The following USP14 variants were observed in gnomAD, a reference collection of about 807,000 sequenced individuals.
The protein encoded by USP14 is ubiquitin carboxyl-terminal hydrolase 14.
In USP14, 38 loss-of-function variants were observed where a neutral mutation model predicts 76.5. That is an observed-to-expected ratio of 0.50 (90% CI 0.38 to 0.65). The LOEUF (loss-of-function observed/expected upper bound fraction) is 0.65. Ranked by LOEUF, USP14 falls within the 30% of genes least tolerant of loss-of-function variation. The pLI is 0.00. For missense variants in USP14, 467 were observed against 586.5 expected (o/e 0.80, Z 2.10); for synonymous variants, 192 against 191.7 (o/e 1.00, Z -0.01).
At chr18:198,451 G>A (rs1199230029) in intron 9 of USP14, among the ~76,000 whole-genome samples, 1 of 152,136 alleles carries the variant, frequency 6.6e-6, no homozygotes, top group Admixed American at 6.5e-5. Context: ...GGTCAGGCTG[G>A]TATTGAACTC....
At chr18:204,962 C>T (rs1910490257) in intron 13 of USP14, among the ~76,000 whole-genome samples, 1 of 151,576 alleles carries the variant, frequency 6.6e-6, no homozygotes, top group Admixed American at 6.6e-5. Context: ...GCAGTCTCAA[C>T]CTCCCAGGCG....
intron 5 of USP14, among the ~76,000 whole-genome samples, chr18:185,655 CT>C (rs1909908761): frequency 6.6e-6 from 1 of 151,784 alleles, no homozygotes; most frequent in Non-Finnish European, 1.5e-5. Context: ...TTTTTTTTAG[CT>C]TTTTGAGGGC....
chr18:212,400 T>A lies in USP14; in HGVS notation c.*1116T>A, dbSNP rs1910693176. On this transcript the variant is annotated 3_prime_UTR_variant, in exon 16 of 16. Coordinates refer to ENST00000261601, the MANE Select transcript of USP14 (RefSeq NM_005151.4). ...GGCAGGTGGTTCACTGGAGGTTGAGTTCGAGACCAGCCTGGCCACATGGTG... is the reference window on the plus strand; with the variant it reads ...GGCAGGTGGTTCACTGGAGGTTGAGATCGAGACCAGCCTGGCCACATGGTG... 1 of 152,170 alleles carries A rather than the reference T, an allele frequency of 6.6e-6. No homozygotes were observed. Among genetic ancestry groups the A allele is most frequent in the Admixed American group, 6.5e-5 (1 of 15,278 alleles). 9.4% of individuals were successfully genotyped at this position (152,170 alleles called of 1,614,324 possible). A position where few individuals can be genotyped will look rare whatever the true frequency, so the allele number is the denominator to read the frequency against.
chr18:212,190 CCTGT>C lies in USP14; in HGVS notation c.*907_*910del, dbSNP rs1421972566. On this transcript the variant is annotated 3_prime_UTR_variant, in exon 16 of 16. Coordinates refer to ENST00000261601, the MANE Select transcript of USP14 (RefSeq NM_005151.4). Reference sequence around the variant, plus strand: ...AAATATTTGTTATCTTCTTTGCCTGCCTGTATTTTAAAAAGAAATACAAAGTTGT... The same window carrying C: ...AAATATTTGTTATCTTCTTTGCCTGCATTTTAAAAAGAAATACAAAGTTGT... 2.0e-5 allele frequency: 3 copies of C among 152,302 alleles called. No homozygotes were observed. Among genetic ancestry groups the C allele is most frequent in the Non-Finnish European group, 2.9e-5 (2 of 68,020 alleles). The allele number at this position is 152,302 out of a possible 1,614,324, so 9.4% of individuals were successfully genotyped here. A position where few individuals can be genotyped will look rare whatever the true frequency, so the allele number is the denominator to read the frequency against.
chr18:193,075 CAAT>C (rs1567833045), intron 6 of USP14, among the ~76,000 whole-genome samples, 175 bp downstream of exon 6: 2 of 152,100 alleles, frequency 1.3e-5, no homozygotes, highest in African/African-American at 4.8e-5. Context: ...GATTATAAAT[CAAT>C]GATGTCTGTC....
At chr18:204,416 G>C (rs1910469543) in intron 12 of USP14, 148 bp from the exon 13 acceptor site, 3 of 677,598 alleles carry the variant, frequency 4.4e-6, no homozygotes, top group South Asian at 2.7e-5. Flanking sequence ...ACTCTTAAGA[G>C]GTTTCAACTG....
intron 3 of USP14, among the ~76,000 whole-genome samples, chr18:175,546 A>G (rs1388384070): frequency 7.2e-5 from 11 of 152,210 alleles, no homozygotes; most frequent in Admixed American, 7.2e-4. Context: ...TGAGTATTAA[A>G]CAGAACTTAT....
At chr18:196,872 C>G (rs1910251769) in intron 7 of USP14, 105 bp downstream of exon 7, 1 of 1,392,900 alleles carries the variant, frequency 7.2e-7, no homozygotes, top group African/African-American at 1.4e-5. Flanking sequence ...TCAGTCTTCT[C>G]TAGTTCATGC....
In USP14 at chr18:213,620, C is replaced by T. The variant is rs1910741969; in HGVS notation, c.*2336C>T. 6.6e-6 allele frequency: 1 copy of T among 152,544 alleles called. No individual in the cohort carries two copies. The highest frequency in any genetic ancestry group is 1.5e-5 in the Non-Finnish European group (1 of 68,046). 9.4% of individuals were successfully genotyped at this position (152,544 alleles called of 1,614,324 possible). ...AGAGTTGTGCTAGATTACTGCTTGA[C>T]TGACTAGCTAGGTTAGGCCTAAGAG... On this transcript the variant is annotated 3_prime_UTR_variant, in exon 16 of 16. Transcript: ENST00000261601.
At chr18:168,938 A>G (rs962680435) in intron 3 of USP14, among the ~76,000 whole-genome samples, 2 of 151,454 alleles carry the variant, frequency 1.3e-5, no homozygotes, top group Non-Finnish European at 1.5e-5. Context: ...TTAGCCGTGC[A>G]TGGTGGCAGG....
At chr18:181,084 AT>A (rs1374409657) in intron 5 of USP14, among the ~76,000 whole-genome samples, 9 of 151,654 alleles carry the variant, frequency 5.9e-5, no homozygotes, top group African/African-American at 1.9e-4. Flanking sequence ...CCTCATTCCT[AT>A]TTTATGGCTG....
At chr18:174,022 C>G (rs191562275) in intron 3 of USP14, among the ~76,000 whole-genome samples, 4 of 151,948 alleles carry the variant, frequency 2.6e-5, no homozygotes, top group African/African-American at 9.7e-5. Flanking sequence ...TTTAAAGTTG[C>G]GTTGGCTATT....
intron 6 of USP14, among the ~76,000 whole-genome samples, chr18:195,424 T>C (rs750662148): frequency 3.7e-4 from 57 of 152,252 alleles, no homozygotes; most frequent in Non-Finnish European, 7.8e-4. Flanking sequence ...TAGGTGACAT[T>C]TCACATCTTG....
rs976511160 is a variant in USP14, at chr18:196,354, T to TA, written c.464-272dup. On this transcript the variant is annotated intron_variant, in intron 6 of 15. Coordinates refer to ENST00000261601, the MANE Select transcript of USP14 (RefSeq NM_005151.4). ...CAGCATGGTGAAACCCCATCTCTACTAAAAAAAAAAATACAAAAAATTAGC... is the reference window on the plus strand; with the variant it reads ...CAGCATGGTGAAACCCCATCTCTACTAAAAAAAAAAAATACAAAAAATTAGC... 1.1e-3 allele frequency among the ~76,000 whole-genome samples: 151 copies of TA among 141,538 alleles called. 1 individual carries two copies. In the East Asian group the frequency reaches 0.011, roughly 10 times the overall value. The allele number at this position is 141,538 out of a possible 152,430, so 92.9% of individuals were successfully genotyped here. A position where few individuals can be genotyped will look rare whatever the true frequency, so the allele number is the denominator to read the frequency against.
intron 4 of USP14, among the ~76,000 whole-genome samples, chr18:180,004 A>ATTATATTT (rs950906626): frequency 6.6e-6 from 1 of 152,118 alleles, no homozygotes; most frequent in Non-Finnish European, 1.5e-5. Context: ...TTATTCTCTT[A>ATTATATTT]TTATATTTAA....
chr18:164,757 T>C (rs1016867281), intron 2 of USP14, among the ~76,000 whole-genome samples: 3 of 151,280 alleles, frequency 2.0e-5, no homozygotes, highest in Non-Finnish European at 4.4e-5. Context: ...CCCAGCCCCC[T>C]TTTTTCTAAA....
intron 3 of USP14, among the ~76,000 whole-genome samples, chr18:170,789 T>A (rs1174629299): frequency 6.6e-6 from 1 of 151,824 alleles, no homozygotes; most frequent in Non-Finnish European, 1.5e-5. Flanking sequence ...TTGTCACTTG[T>A]AAGTGGGAGC....
At chr18:201,522 T>C (rs774674160) in intron 10 of USP14, among the ~76,000 whole-genome samples, 1 of 152,232 alleles carries the variant, frequency 6.6e-6, no homozygotes, top group Non-Finnish European at 1.5e-5. Flanking sequence ...CTCTGTCTTA[T>C]GATACCGAGG....
intron 9 of USP14, 109 bp from the exon 10 acceptor site, chr18:199,093 C>T: frequency 1.5e-6 from 1 of 657,866 alleles, no homozygotes. Flanking sequence ...GTTTTAAATG[C>T]CAATGAATGA....
Sources: gnomAD v4.1 joint callset for allele counts (sites outside exome capture counted in the v4.1 genomes callset) on GRCh38, gnomAD v4.1.1 for gene constraint, MANE v1.5 for transcripts, NCBI Gene and HGNC (gene_info 2026-07-23, HGNC 2026-07-21) for gene names.